ARHGAP45: variants seen among roughly 807,000 people sequenced by gnomAD.
ARHGAP45 encodes the protein Rho GTPase activating protein 45.
In ARHGAP45, 56 loss-of-function variants were observed where a neutral mutation model predicts 116.1. The observed-to-expected ratio is 0.48, with a 90% CI of 0.39 to 0.60. ARHGAP45 has a LOEUF of 0.60. Among genes scored for constraint, ARHGAP45 ranks in the 20% least tolerant of loss-of-function variants. The probability of loss-of-function intolerance (pLI) is 0.00; values close to 1 mark genes in which losing one functional copy is unlikely to be tolerated. For synonymous variants in ARHGAP45, 866 were observed against 701.7 expected (o/e 1.23, Z -3.70); for missense variants, 1,622 against 1,601.0 (o/e 1.01, Z -0.22).
intron 10 of ARHGAP45, 124 bp downstream of exon 10, chr19:1,075,003 A>T (rs971551311): frequency 1.6e-5 from 12 of 753,194 alleles, no homozygotes; most frequent in South Asian, 6.3e-5. Context: ...CCTCCTGCGC[A>T]TGCGCGGCCT....
Position 1,085,882 on chromosome 19 carries a change from A to G in ARHGAP45, c.3287A>G (p.Gln1096Arg), listed in dbSNP as rs2043621645. ...GGGGACGAGGACGGCCCGGCCCAGC[A>G]GCTCTCAGGATTCAACACCAACCAG... Reference protein sequence around the residue: ...GDGDEDGPAQQLSGFNTNQSN... With the variant: ...GDGDEDGPAQRLSGFNTNQSN... The change falls in exon 23 of 23, where the codon CAG becomes CGG. Residue 1096 changes from glutamine (Q) to arginine (R), a missense_variant. By Grantham distance (43) the Gln-to-Arg change is conservative. This residue lies in a region of ARHGAP45 where 1,334 missense variants were observed against 1,263.8 expected (regional missense o/e 1.06). Transcript: ENST00000313093. The G allele has an allele frequency of 1.9e-6, 3 of 1,612,588 alleles. No individual in the cohort carries two copies. Among genetic ancestry groups the G allele is most frequent in the Middle Eastern group, 1.7e-4 (1 of 6,060 alleles).
rs2043487751 is a variant in ARHGAP45 at position 1,082,987 on chromosome 19, G to A, written c.2665G>A (p.Gly889Ser). The A allele has an allele frequency of 6.4e-7, 1 of 1,550,422 alleles. No individual in the cohort carries two copies. Among genetic ancestry groups the A allele is most frequent in the Admixed American group, 1.9e-5 (1 of 52,222 alleles). Residue 889 changes from glycine to serine, a missense_variant, in exon 20 of 23, where the codon GGT becomes AGT. Physicochemically the swap from Gly to Ser is moderately conservative, Grantham distance 56 (BLOSUM62 0). Transcript: ENST00000313093. ...CGAGGCAGTGGCGGTGGCCCTGGCA[G>A]GTCGGCTGCGGGAGCTCCTGCGGGA... ...ESEAVAVALA[G>S]RLRELLRDLP...
intron 13 of ARHGAP45, 65 bp from the exon 14 acceptor site, chr19:1,080,190 G>C (rs2074453): frequency 0.35 from 566,029 of 1,609,808 alleles, 102,642 homozygotes; most frequent in African/African-American, 0.52. Flanking sequence ...CTCTGTCGGG[G>C]GCATGAAGAT....
intron 2 of ARHGAP45, among the ~76,000 whole-genome samples, chr19:1,070,333 T>TC (rs199857205): frequency 2.0e-3 from 257 of 127,512 alleles, no homozygotes; most frequent in African/African-American, 6.4e-3. Context: ...TCTTTTCTTT[T>TC]TTTTTTTTTT....
At position 1,077,474 on chromosome 19, in the gene ARHGAP45, T is replaced by A. The variant is rs578206195; in HGVS notation, c.1186-383T>A. On this transcript the variant is annotated intron_variant, in intron 10 of 22. Coordinates refer to ENST00000313093, the MANE Select transcript of ARHGAP45 (RefSeq NM_012292.5). Reference sequence around the variant, plus strand: ...TCACTGCAACCTTCGCCTCCTGGGTTCAAGCTGTTCGCGATTCTAGTGCCT... The same window carrying A: ...TCACTGCAACCTTCGCCTCCTGGGTACAAGCTGTTCGCGATTCTAGTGCCT... 1,657 of 1,044,264 alleles carry A rather than the reference T, an allele frequency of 1.6e-3. 2 individuals are homozygous for A. The highest frequency in any genetic ancestry group is 1.7e-3 in the Non-Finnish European group (1,401 of 845,182). 64.7% of individuals were successfully genotyped at this position (1,044,264 alleles called of 1,614,324 possible).
At chr19:1,084,207 C>A (rs759485711) in intron 21 of ARHGAP45, 31 bp from the exon 22 acceptor site, 3 of 1,583,014 alleles carry the variant, frequency 1.9e-6, no homozygotes, top group East Asian at 2.2e-5. Context: ...GGAGCCCCGG[C>A]CCCTCTATGA....
chr19:1,083,287 C>T lies in ARHGAP45; in HGVS notation c.2889C>T (p.Ile963=). The T allele has an allele frequency of 6.3e-7, 1 of 1,587,716 alleles. No homozygotes were observed. Among genetic ancestry groups the T allele is most frequent in the Non-Finnish European group, 8.6e-7 (1 of 1,166,890 alleles). The change falls in exon 21 of 23, where the codon ATC becomes ATT. Residue 963 remains isoleucine (I), a synonymous_variant. Transcript: ENST00000313093. ...ATTATCCCCATCAGGCCCGCGTCAT[C>T]GAGACTCTCATCGTCCACTACGGCC... The part of the protein sequence containing the change: ...LVDYPHQARV[I]ETLIVHYGLV...
At chr19:1,085,132 G>C (rs2145099156) in intron 22 of ARHGAP45, among the ~76,000 whole-genome samples, 1 of 152,262 alleles carries the variant, frequency 6.6e-6, no homozygotes. Flanking sequence ...AGGTTTAATG[G>C]AGTTACAGTT....
chr19:1,073,151 C>A lies in ARHGAP45; in HGVS notation c.424C>A (p.Leu142Ile), dbSNP rs1426826338. Residue 142 changes from leucine to isoleucine, a missense_variant and splice_region_variant, in exon 3 of 23, where the codon CTC (leucine) becomes ATC (isoleucine). This residue lies in a region of ARHGAP45 where 279 missense variants were observed against 311.9 expected (regional missense o/e 0.89). Coordinates refer to ENST00000313093, the MANE Select transcript of ARHGAP45 (RefSeq NM_012292.5). Reference protein sequence around the residue: ...KLKECVLRDDLLEARRPRAHE... With the variant: ...KLKECVLRDDILEARRPRAHE... ...CTCACTCCGACTCTCCCCAGCAGAC[C>A]TCCTTGAGGCCCGCCGCCCGCGGGC... The A allele has an allele frequency of 1.1e-5, 17 of 1,605,254 alleles. No homozygotes were observed. Among genetic ancestry groups the A allele is most frequent in the Non-Finnish European group, 1.2e-5 (14 of 1,179,730 alleles).
In ARHGAP45 at chr19:1,068,794, C is replaced by G. The variant is rs2043087187; in HGVS notation, c.421+50C>G. The G allele has an allele frequency of 4.5e-6, 7 of 1,555,602 alleles. No homozygotes were observed. The highest frequency in any genetic ancestry group is 1.4e-5 in the African/African-American group (1 of 73,572). On this transcript the variant is annotated intron_variant, in intron 2 of 22. Transcript: ENST00000313093. This position sits in a 1 kb window ranked among gnomAD's most constrained non-coding sequence, Gnocchi z 7.5. ...CCTGGGTGGAAGACAGAGCCAGACCCAAGGGAGGATGGAGGGAGGGACTTG... is the reference window on the plus strand; with the variant it reads ...CCTGGGTGGAAGACAGAGCCAGACCGAAGGGAGGATGGAGGGAGGGACTTG...
At position 1,083,291 on chromosome 19, in the gene ARHGAP45, ACT is replaced by A; in HGVS notation, c.2897_2898del (p.Leu966HisfsTer28). On this transcript the variant is annotated frameshift_variant, in exon 21 of 23. Coordinates refer to ENST00000313093, the MANE Select transcript of ARHGAP45 (RefSeq NM_012292.5). LOFTEE classifies it high-confidence loss of function. ...TCCCCATCAGGCCCGCGTCATCGAG[ACT>A]CTCATCGTCCACTACGGCCTGGTCT... The part of the protein sequence containing the change: ...DYPHQARVIE[T>X]LIVHYGLVFE... The A allele has an allele frequency of 1.3e-6, 2 of 1,583,846 alleles. No individual in the cohort carries two copies. The highest frequency in any genetic ancestry group is 1.4e-5 in the African/African-American group (1 of 73,964).
chr19:1,068,189 T>A lies in ARHGAP45; in HGVS notation c.91-225T>A. 1 of 446,534 alleles carries A rather than the reference T, an allele frequency of 2.2e-6. No individual in the cohort carries two copies. The highest frequency in any genetic ancestry group is 3.9e-6 in the Non-Finnish European group (1 of 254,950). The allele number at this position is 446,534 out of a possible 1,614,324, so 27.7% of individuals were successfully genotyped here. A position where few individuals can be genotyped will look rare whatever the true frequency, so the allele number is the denominator to read the frequency against. ...CTCCCCGCAGGCCCCGCCCCGGCTG[T>A]GGTTTGGGCAAGGACCGTTGTTTGT... On this transcript the variant is annotated intron_variant, in intron 1 of 22. Coordinates refer to ENST00000313093, the MANE Select transcript of ARHGAP45 (RefSeq NM_012292.5). The surrounding 1 kb of genome is among the most constrained non-coding windows in gnomAD (Gnocchi z 7.5).
chr19:1,071,434 G>A lies in ARHGAP45; in HGVS notation c.422-1715G>A. ...GGCGCTCGGGCCGTTTGCCGCCCGCGGTGGGGGAGCAGCGGCTGCCGCGCG... is the reference window on the plus strand; with the variant it reads ...GGCGCTCGGGCCGTTTGCCGCCCGCAGTGGGGGAGCAGCGGCTGCCGCGCG... On this transcript the variant is annotated intron_variant, in intron 2 of 22. Transcript: ENST00000313093. This position sits in a 1 kb window ranked among gnomAD's most constrained non-coding sequence, Gnocchi z 4.6. 5.6e-6 allele frequency: 6 copies of A among 1,062,018 alleles called. No homozygotes were observed. The highest frequency in any genetic ancestry group is 6.9e-6 in the Non-Finnish European group (6 of 873,696). 65.8% of individuals were successfully genotyped at this position (1,062,018 alleles called of 1,614,324 possible). A position where few individuals can be genotyped will look rare whatever the true frequency, so the allele number is the denominator to read the frequency against.
In ARHGAP45 at chr19:1,068,362, C is replaced by T. The variant is rs1235228692; in HGVS notation, c.91-52C>T. On this transcript the variant is annotated intron_variant, in intron 1 of 22. Coordinates refer to ENST00000313093, the MANE Select transcript of ARHGAP45 (RefSeq NM_012292.5). This position sits in a 1 kb window ranked among gnomAD's most constrained non-coding sequence, Gnocchi z 7.5. The stretch of plus-strand genomic sequence containing the variant: ...ACTTCATTTCTGGGGAAACTGAGGC[C>T]GTGTCCAGGCCGGAAAATCCCTTTA... 2.8e-6 allele frequency: 4 copies of T among 1,426,738 alleles called. No homozygotes were observed. Among genetic ancestry groups the T allele is most frequent in the East Asian group, 2.5e-5 (1 of 39,280 alleles). The allele number at this position is 1,426,738 out of a possible 1,614,324, so 88.4% of individuals were successfully genotyped here. A position where few individuals can be genotyped will look rare whatever the true frequency, so the allele number is the denominator to read the frequency against.
intron 10 of ARHGAP45, chr19:1,077,355 AC>A: frequency 1.0e-6 from 1 of 995,632 alleles, no homozygotes; most frequent in Non-Finnish European, 1.2e-6. Context: ...GTGTCCTGTT[AC>A]GGGTGCCTCC....
In ARHGAP45 at chr19:1,068,648, G is replaced by C. The variant is rs764058311; in HGVS notation, c.325G>C (p.Gly109Arg). The change falls in exon 2 of 23, where the codon GGC (glycine) becomes CGC (arginine). Residue 109 changes from glycine to arginine, a missense_variant. Around this residue, in one of 3 missense-constraint regions of ARHGAP45, gnomAD observed 279 missense variants for 311.9 expected, o/e 0.89. Transcript: ENST00000313093. This position sits in a 1 kb window ranked among gnomAD's most constrained non-coding sequence, Gnocchi z 7.5. ...SPGELPTEGAGPDVVEDISHL... is the reference protein window; with the variant it reads ...SPGELPTEGARPDVVEDISHL... ...GGGCGAGCTGCCCACCGAGGGTGCC[G>C]GCCCGGACGTCGTCGAGGACATCTC... 1 of 1,612,440 alleles carries C rather than the reference G, an allele frequency of 6.2e-7. No homozygotes were observed.
chr19:1,066,172 G>A, upstream of ARHGAP45: 1 of 1,491,302 alleles, frequency 6.7e-7, no homozygotes, highest in East Asian at 2.7e-5. Context: ...AGGTAGGTGG[G>A]AATGGGGTTT....
At chr19:1,073,892 G>A in intron 5 of ARHGAP45, 56 bp from the exon 6 acceptor site, 2 of 1,531,080 alleles carry the variant, frequency 1.3e-6, no homozygotes, top group South Asian at 1.2e-5. Flanking sequence ...CCTGAAGGGT[G>A]GGCACTGCCC....
Position 1,083,038 on chromosome 19 carries a change from C to T in ARHGAP45, c.2716C>T (p.Leu906=), listed in dbSNP as rs2043489621. The T allele has an allele frequency of 2.6e-6, 4 of 1,545,448 alleles. No homozygotes were observed. Among genetic ancestry groups the T allele is most frequent in the Non-Finnish European group, 3.5e-6 (4 of 1,150,418 alleles). ...RDLPPENRAS[L]QYLLRHLRRI... ...CCTGCCGCCTGAGAACCGGGCCTCG[C>T]TGCAGTACCTGCTGCGTCACCTACG... Residue 906 remains leucine, a synonymous_variant, in exon 20 of 23, where the codon CTG becomes TTG. Coordinates refer to ENST00000313093, the MANE Select transcript of ARHGAP45 (RefSeq NM_012292.5).
Sources: allele counts gnomAD v4.1 joint callset (sites outside exome capture counted in the v4.1 genomes callset), GRCh38; gene constraint gnomAD v4.1.1; regional missense constraint gnomAD v4.1.1; non-coding constraint Gnocchi (gnomAD v3.1); transcripts MANE v1.5; gene names NCBI Gene and HGNC (gene_info 2026-07-23, HGNC 2026-07-21).